The following SCHIP1 variants were observed in gnomAD, a reference collection of about 807,000 sequenced individuals.
SCHIP1 encodes schwannomin interacting protein 1, also known as schwannomin-interacting protein 1.
SCHIP1 carries 8 observed loss-of-function variants against 29.7 expected under a neutral mutation model. The ratio of observed to expected loss-of-function variants is 0.27; its 90% CI spans 0.16 to 0.49. The LOEUF (loss-of-function observed/expected upper bound fraction) is 0.49, where lower values mean the gene tolerates loss of function less well. Ranked by LOEUF, SCHIP1 falls within the 20% of genes least tolerant of loss-of-function variation. The probability of loss-of-function intolerance (pLI) is 0.99; values close to 1 mark genes in which losing one functional copy is unlikely to be tolerated. For synonymous variants in SCHIP1, 76 were observed against 94.9 expected (o/e 0.80, Z 1.16); for missense variants, 193 against 294.6 (o/e 0.66, Z 2.52).
intron 2 of SCHIP1, among the ~76,000 whole-genome samples, chr3:159,876,071 T>C (rs987083946): frequency 2.0e-5 from 3 of 152,360 alleles, no homozygotes; most frequent in Non-Finnish European, 4.4e-5. Flanking sequence ...AGAATATTTA[T>C]GTATGGCATT....
chr3:159,356,678 A>G, the SCHIP1 span, among the ~76,000 whole-genome samples: 1 of 152,234 alleles, frequency 6.6e-6, no homozygotes, highest in East Asian at 1.9e-4. Context: ...AATGTGTGCC[A>G]GGGTCTGAAA....
At chr3:159,501,058 T>A in the SCHIP1 span, among the ~76,000 whole-genome samples, 1 of 152,160 alleles carries the variant, frequency 6.6e-6, no homozygotes, top group Admixed American at 6.5e-5. Context: ...ATAAAAAGTT[T>A]TGGAAGTTAC....
At chr3:159,397,474 G>C in the SCHIP1 span, among the ~76,000 whole-genome samples, 1 of 152,260 alleles carries the variant, frequency 6.6e-6, no homozygotes, top group African/African-American at 2.4e-5. Context: ...GGTCTTTGAT[G>C]ATGGTGATGT....
At chr3:159,600,855 G>A in the SCHIP1 span, among the ~76,000 whole-genome samples, 10 of 152,204 alleles carry the variant, frequency 6.6e-5, no homozygotes, top group Non-Finnish European at 1.3e-4. Flanking sequence ...TATCTGTGAT[G>A]TTGGTTGGGT....
chr3:159,626,206 A>C, the SCHIP1 span, among the ~76,000 whole-genome samples: 11 of 125,274 alleles, frequency 8.8e-5, 1 homozygote, highest in African/African-American at 5.0e-4. Flanking sequence ...ATAGATAGAT[A>C]GATATATCTA....
the SCHIP1 span, among the ~76,000 whole-genome samples, chr3:159,599,077 C>T: frequency 3.3e-5 from 5 of 152,130 alleles, no homozygotes; most frequent in Admixed American, 3.3e-4. Flanking sequence ...TTATCCTATT[C>T]CTTTACTTTC....
chr3:159,323,652 G>A, the SCHIP1 span, among the ~76,000 whole-genome samples: 4 of 152,282 alleles, frequency 2.6e-5, no homozygotes, highest in African/African-American at 4.8e-5. Flanking sequence ...TTTGCACACT[G>A]TGGAAATAAA....
the SCHIP1 span, among the ~76,000 whole-genome samples, chr3:159,281,707 A>G: frequency 6.6e-6 from 1 of 152,168 alleles, no homozygotes; most frequent in Non-Finnish European, 1.5e-5. Flanking sequence ...TTTTCAGTCA[A>G]CACATTTTGA....
chr3:159,869,622 C>T (rs1393622476), intron 2 of SCHIP1, among the ~76,000 whole-genome samples: 1 of 151,870 alleles, frequency 6.6e-6, no homozygotes, highest in Admixed American at 6.6e-5. Context: ...CAAAATAAGT[C>T]CTGATATCTG....
chr3:159,536,293 A>T, the SCHIP1 span, among the ~76,000 whole-genome samples: 1 of 152,118 alleles, frequency 6.6e-6, no homozygotes, highest in African/African-American at 2.4e-5. Flanking sequence ...ACCTCCCATC[A>T]CTATAACAAT....
the SCHIP1 span, among the ~76,000 whole-genome samples, chr3:159,351,766 A>G: frequency 6.6e-6 from 1 of 152,156 alleles, no homozygotes; most frequent in Non-Finnish European, 1.5e-5. Context: ...ATCATAGACC[A>G]TAGGAGCTGA....
the SCHIP1 span, chr3:159,764,770 A>AGCGGCG: frequency 4.2e-5 from 66 of 1,569,992 alleles, no homozygotes; most frequent in African/African-American, 7.3e-4. The surrounding 1 kb of genome is among the most constrained non-coding windows in gnomAD (Gnocchi z 6.1). Flanking sequence ...CAGGACCCGC[A>AGCGGCG]GCGGCGGCGG....
At chr3:159,864,368 G>T (rs1221690110) in intron 1 of SCHIP1, among the ~76,000 whole-genome samples, 1 of 151,778 alleles carries the variant, frequency 6.6e-6, no homozygotes, top group East Asian at 1.9e-4. Flanking sequence ...GCTTGGTTTT[G>T]TGCTAGCCCG....
At chr3:159,721,644 C>G in the SCHIP1 span, 1 of 226,806 alleles carries the variant, frequency 4.4e-6, no homozygotes, top group Admixed American at 5.6e-5. Flanking sequence ...CTGTCACCTG[C>G]TTTCAAGGCT....
At chr3:159,301,722 T>G in the SCHIP1 span, among the ~76,000 whole-genome samples, 1 of 152,198 alleles carries the variant, frequency 6.6e-6, no homozygotes, top group African/African-American at 2.4e-5. Flanking sequence ...AAGATGTGCC[T>G]TGCTTCCCCT....
At chr3:159,666,263 A>G in the SCHIP1 span, among the ~76,000 whole-genome samples, 1 of 152,344 alleles carries the variant, frequency 6.6e-6, no homozygotes, top group Middle Eastern at 3.4e-3. Context: ...CATAATCTGC[A>G]CAGCTATACG....
the SCHIP1 span, chr3:159,387,067 A>G: frequency 3.5e-5 from 6 of 169,338 alleles, no homozygotes; most frequent in African/African-American, 1.4e-4. Context: ...GCACAGGGCC[A>G]AAGTGGTCAG....
chr3:159,356,620 A>T, the SCHIP1 span, among the ~76,000 whole-genome samples: 1 of 152,200 alleles, frequency 6.6e-6, no homozygotes, highest in Non-Finnish European at 1.5e-5. Flanking sequence ...CTAATTAGAC[A>T]TTTCTGACAG....
chr3:159,391,453 T>C, the SCHIP1 span, among the ~76,000 whole-genome samples: 3 of 152,162 alleles, frequency 2.0e-5, no homozygotes, highest in African/African-American at 7.2e-5. Context: ...TATGATATAT[T>C]CTCTAAGGAA....
Sources: allele counts gnomAD v4.1 joint callset (sites outside exome capture counted in the v4.1 genomes callset), GRCh38; gene constraint gnomAD v4.1.1; non-coding constraint Gnocchi (gnomAD v3.1); transcripts MANE v1.5; gene names NCBI Gene and HGNC (gene_info 2026-07-23, HGNC 2026-07-21).